The following TCF7L1 variants were observed in gnomAD, a reference collection of about 807,000 sequenced individuals.
TCF7L1 encodes the protein transcription factor 7-like 1.
In TCF7L1, 18 loss-of-function variants were observed where a neutral mutation model predicts 63.7. The ratio of observed to expected loss-of-function variants is 0.28; its 90% CI spans 0.20 to 0.42. The LOEUF (loss-of-function observed/expected upper bound fraction) is 0.42. TCF7L1 is among the 10% of genes least tolerant of loss of function. The probability of loss-of-function intolerance (pLI) is 1.00; values close to 1 mark genes in which losing one functional copy is unlikely to be tolerated. For missense variants in TCF7L1, 654 were observed against 779.3 expected, an observed-to-expected ratio of 0.84 and a Z score of 1.91; for synonymous variants, 355 against 340.9, an observed-to-expected ratio of 1.04 and a Z score of -0.46.
intron 4 of TCF7L1, among the ~76,000 whole-genome samples, chr2:85,296,042 TG>T (rs1681834293): frequency 6.6e-6 from 1 of 152,164 alleles, no homozygotes; most frequent in Non-Finnish European, 1.5e-5. Context: ...CCTCCCAAAA[TG>T]CTGGGACCAT....
chr2:85,142,481 A>AATAT (rs148154309), intron 3 of TCF7L1, among the ~76,000 whole-genome samples: 3,787 of 143,278 alleles, frequency 0.026, 74 homozygotes, highest in Non-Finnish European at 0.036. Context: ...GTATATATAT[A>AATAT]ATATATATAT....
intron 3 of TCF7L1, among the ~76,000 whole-genome samples, chr2:85,174,520 A>G (rs1678631382): frequency 6.6e-6 from 1 of 152,142 alleles, no homozygotes; most frequent in South Asian, 2.1e-4. Context: ...AGGCTCAGCA[A>G]TGGTACATGC....
intron 3 of TCF7L1, among the ~76,000 whole-genome samples, chr2:85,222,876 T>C (rs1167526876): frequency 6.6e-6 from 1 of 152,058 alleles, no homozygotes; most frequent in Non-Finnish European, 1.5e-5. Flanking sequence ...TTTCTAGAGA[T>C]AACACACAGA....
intron 3 of TCF7L1, among the ~76,000 whole-genome samples, chr2:85,144,154 C>T (rs1237663782): frequency 6.6e-6 from 1 of 152,142 alleles, no homozygotes; most frequent in East Asian, 1.9e-4. Flanking sequence ...ACCAAATGTA[C>T]AAGTATTATT....
chr2:85,211,551 CA>C (rs1420181656), intron 3 of TCF7L1, among the ~76,000 whole-genome samples: 1 of 152,184 alleles, frequency 6.6e-6, no homozygotes, highest in Non-Finnish European at 1.5e-5. Flanking sequence ...TGTGGGATTT[CA>C]TAAAACGATG....
intron 3 of TCF7L1, among the ~76,000 whole-genome samples, chr2:85,159,961 C>T (rs1303076665): frequency 6.6e-6 from 1 of 152,214 alleles, no homozygotes; most frequent in Non-Finnish European, 1.5e-5. Context: ...GTAGGTTTCA[C>T]AGGCACCTGG....
At chr2:85,279,831 GA>G (rs905607306) in intron 3 of TCF7L1, among the ~76,000 whole-genome samples, 2 of 152,114 alleles carry the variant, frequency 1.3e-5, no homozygotes, top group African/African-American at 4.8e-5. Flanking sequence ...CTGTTCCCAG[GA>G]CCACCTCTCC....
chr2:85,168,567 G>A (rs1295040293), intron 3 of TCF7L1, among the ~76,000 whole-genome samples: 6 of 152,014 alleles, frequency 3.9e-5, no homozygotes, highest in East Asian at 1.9e-4. Flanking sequence ...GTAGAGCTGC[G>A]TGGACTGAAC....
intron 3 of TCF7L1, among the ~76,000 whole-genome samples, chr2:85,198,498 A>G (rs1679205490): frequency 6.6e-6 from 1 of 152,222 alleles, no homozygotes; most frequent in Non-Finnish European, 1.5e-5. Context: ...GGCTGGTTTC[A>G]GGCCCAGACA....
chr2:85,162,535 T>C (rs1376855907), intron 3 of TCF7L1, among the ~76,000 whole-genome samples: 1 of 152,196 alleles, frequency 6.6e-6, no homozygotes, highest in Admixed American at 6.5e-5. Flanking sequence ...ACGTATTTTC[T>C]CTATTTTTAG....
At chr2:85,258,209 C>T (rs1277379866) in intron 3 of TCF7L1, among the ~76,000 whole-genome samples, 1 of 152,142 alleles carries the variant, frequency 6.6e-6, no homozygotes, top group Non-Finnish European at 1.5e-5. Context: ...CCTGTGCACA[C>T]TGTACCCTTA....
chr2:85,236,631 G>T (rs748651770), intron 3 of TCF7L1, among the ~76,000 whole-genome samples: 7 of 152,142 alleles, frequency 4.6e-5, no homozygotes, highest in Non-Finnish European at 8.8e-5. Flanking sequence ...TGGAAAGAGA[G>T]CCTTGCCGGG....
At chr2:85,286,085 G>A (rs1681541182) in intron 4 of TCF7L1, among the ~76,000 whole-genome samples, 3 of 151,882 alleles carry the variant, frequency 2.0e-5, no homozygotes, top group Admixed American at 6.6e-5. Flanking sequence ...CAACTACTCA[G>A]GAGGCTGAGG....
chr2:85,296,989 A>G (rs1418597287), intron 4 of TCF7L1, among the ~76,000 whole-genome samples: 1 of 152,228 alleles, frequency 6.6e-6, no homozygotes. Context: ...ACATTCACCT[A>G]GACATATCCT....
intron 4 of TCF7L1, among the ~76,000 whole-genome samples, chr2:85,287,625 C>T (rs1371543519): frequency 2.0e-5 from 3 of 152,070 alleles, no homozygotes; most frequent in Admixed American, 6.6e-5. Context: ...TTTATATTAC[C>T]GTAGTCTATA....
At chr2:85,156,532 C>T (rs1678150324) in intron 3 of TCF7L1, among the ~76,000 whole-genome samples, 1 of 152,212 alleles carries the variant, frequency 6.6e-6, no homozygotes, top group Non-Finnish European at 1.5e-5. Context: ...CGTTTATGCA[C>T]TAAATGGGAC....
At chr2:85,154,909 C>T (rs1369389334) in intron 3 of TCF7L1, among the ~76,000 whole-genome samples, 1 of 152,126 alleles carries the variant, frequency 6.6e-6, no homozygotes, top group African/African-American at 2.4e-5. Flanking sequence ...CTCTGCCTCC[C>T]GGGTTCAAGC....
chr2:85,230,403 G>A (rs1317703740), intron 3 of TCF7L1, among the ~76,000 whole-genome samples: 1 of 151,450 alleles, frequency 6.6e-6, no homozygotes, highest in Non-Finnish European at 1.5e-5. Flanking sequence ...GTGTGATCTC[G>A]GCTCACTGCA....
rs56373561 is a variant in TCF7L1, at chr2:85,295,775, C to CTTTTTTT, written c.526-6693_526-6687dup. Among the ~76,000 whole-genome samples the CTTTTTTT allele has an allele frequency of 2.4e-4, 24 of 100,880 alleles. 1 individual carries two copies. The highest frequency in any genetic ancestry group is 4.1e-4 in the African/African-American group (10 of 24,422). The allele number at this position is 100,880 out of a possible 152,430, so 66.2% of individuals were successfully genotyped here. ...CTCAAAATGAAGAAAGTAACATTTA[C>CTTTTTTT]TTTTTTTTTTTTTTTTTTTTTTGAG... On this transcript the variant is annotated intron_variant, in intron 4 of 11. Coordinates refer to ENST00000282111, the MANE Select transcript of TCF7L1 (RefSeq NM_031283.3).
Sources: allele counts gnomAD v4.1 joint callset (sites outside exome capture counted in the v4.1 genomes callset), GRCh38; gene constraint gnomAD v4.1.1; transcripts MANE v1.5; gene names NCBI Gene and HGNC (gene_info 2026-07-23, HGNC 2026-07-21).